Variants in ATP8B3 observed in about 807,000 individuals in gnomAD.
ATP8B3 encodes the protein ATPase phospholipid transporting 8B3, also known as phospholipid-transporting ATPase IK.
Under a neutral mutation model 140.9 loss-of-function variants are expected in ATP8B3, and 141 were observed. The observed-to-expected ratio is 1.00, with a 90% CI of 0.87 to 1.15. The LOEUF (loss-of-function observed/expected upper bound fraction) is 1.15, where lower values mean the gene tolerates loss of function less well. Among genes scored for constraint, ATP8B3 ranks in the 50% most tolerant of loss-of-function variants. The pLI, the probability that ATP8B3 is intolerant of heterozygous loss-of-function variation, is 0.00. For missense variants in ATP8B3, 1,874 were observed against 1,740.6 expected, an observed-to-expected ratio of 1.08 and a Z score of -1.36; for synonymous variants, 765 against 714.6, an observed-to-expected ratio of 1.07 and a Z score of -1.13.
chr19:1,805,059 C>T lies in ATP8B3; in HGVS notation c.904+315G>A. 1 of 398,664 alleles carries T rather than the reference C, an allele frequency of 2.5e-6. No individual in the cohort carries two copies. The highest frequency in any genetic ancestry group is 2.1e-5 in the South Asian group (1 of 47,620). The allele number at this position is 398,664 out of a possible 1,614,324, so 24.7% of individuals were successfully genotyped here. ...ATGTGATCACAGCTCACTGCAGCCT[C>T]AGCCTCCCTGAGCTCAAGCGAGCCT... On this transcript the variant is annotated intron_variant, in intron 10 of 28. Transcript: ENST00000310127. The surrounding 1 kb of genome is among the most constrained non-coding windows in gnomAD (Gnocchi z 5.2).
chr19:1,782,792 G>A lies in ATP8B3; in HGVS notation c.*236C>T, dbSNP rs1429836459. On this transcript the variant is annotated 3_prime_UTR_variant, in exon 29 of 29. Coordinates refer to ENST00000310127, the MANE Select transcript of ATP8B3 (RefSeq NM_138813.4). ...CTCAGGAGAAGGTGGCCTCTGCTTG[G>A]GTGACAATGACCTCTCCTGTGCCCT... 5.4e-6 allele frequency: 3 copies of A among 552,626 alleles called. No individual in the cohort carries two copies. The highest frequency in any genetic ancestry group is 9.6e-6 in the Non-Finnish European group (3 of 311,026). 34.2% of individuals were successfully genotyped at this position (552,626 alleles called of 1,614,324 possible).
chr19:1,785,791 T>A (rs922982420), intron 25 of ATP8B3, 83 bp from the exon 26 acceptor site: 1 of 1,403,176 alleles, frequency 7.1e-7, no homozygotes, highest in Non-Finnish European at 9.6e-7. Context: ...GGCAGGCCAG[T>A]AGGGTGGCCA....
At chr19:1,788,405 T>C (rs574574177) in intron 24 of ATP8B3, among the ~76,000 whole-genome samples, 1 of 152,220 alleles carries the variant, frequency 6.6e-6, no homozygotes, top group African/African-American at 2.4e-5. Context: ...ATCCCAGCAC[T>C]TTGGGAGGCC....
intron 10 of ATP8B3, 78 bp from the exon 11 acceptor site, chr19:1,802,723 G>C (rs889622704): frequency 2.0e-6 from 3 of 1,492,626 alleles, no homozygotes; most frequent in African/African-American, 2.8e-5. Context: ...GTGCAGGTGA[G>C]AACATTCCGG....
At position 1,782,977 on chromosome 19, in the gene ATP8B3, C is replaced by T; in HGVS notation, c.*51G>A. The T allele has an allele frequency of 6.4e-7, 1 of 1,558,686 alleles. No homozygotes were observed. The highest frequency in any genetic ancestry group is 1.2e-5 in the South Asian group (1 of 84,680). On this transcript the variant is annotated 3_prime_UTR_variant, in exon 29 of 29. Coordinates refer to ENST00000310127, the MANE Select transcript of ATP8B3 (RefSeq NM_138813.4). ...GCTGTACTTCCTGGGAGGACACCTG[C>T]CCCTGTGGCTGGTGCTTCTTCTTCC...
rs45574836 is a variant in ATP8B3, at chr19:1,806,668, C to T, written c.637G>A (p.Ala213Thr). The part of the protein sequence containing the change: ...DDMGRHKSDR[A>T]INNRPCQILM... Reference sequence around the variant, plus strand: ...ATCTGGCAGGGTCTGTTGTTGATGGCTCTGTCACTCTTGTGTCTCCCCTGG... The same window carrying T: ...ATCTGGCAGGGTCTGTTGTTGATGGTTCTGTCACTCTTGTGTCTCCCCTGG... Residue 213 changes from alanine (A) to threonine (T), a missense_variant, in exon 7 of 29, where the codon GCC (alanine) becomes ACC (threonine). Coordinates refer to ENST00000310127, the MANE Select transcript of ATP8B3 (RefSeq NM_138813.4). The surrounding 1 kb of genome is among the most constrained non-coding windows in gnomAD (Gnocchi z 5.6). 0.055 allele frequency: 86,099 copies of T among 1,564,610 alleles called. 2,949 individuals are homozygous for T. The highest frequency in any genetic ancestry group is 0.1 in the South Asian group (8,626 of 84,816).
chr19:1,787,868 C>G (rs1954476093), intron 24 of ATP8B3, among the ~76,000 whole-genome samples: 1 of 151,596 alleles, frequency 6.6e-6, no homozygotes, highest in South Asian at 2.1e-4. Flanking sequence ...ATGGCAAAAC[C>G]CTGTCTCTAC....
chr19:1,792,392 C>G (rs1369525531), intron 18 of ATP8B3, among the ~76,000 whole-genome samples: 1 of 151,172 alleles, frequency 6.6e-6, no homozygotes, highest in Non-Finnish European at 1.5e-5. Flanking sequence ...CCAGGTTGGC[C>G]AACATGGTGA....
intron 16 of ATP8B3, 58 bp from the exon 17 acceptor site, chr19:1,796,323 A>C: frequency 1.4e-6 from 2 of 1,439,150 alleles, no homozygotes; most frequent in Non-Finnish European, 1.9e-6. Context: ...CCATCTCCAC[A>C]GTGCAGGGAG....
chr19:1,787,306 TTGGGG>T, intron 24 of ATP8B3, 120 bp from the exon 25 acceptor site: 1 of 768,102 alleles, frequency 1.3e-6, no homozygotes, highest in South Asian at 1.6e-5. Flanking sequence ...ACACTCAAGG[TTGGGG>T]CTGGGACTGG....
Position 1,800,379 on chromosome 19 carries a change from T to C in ATP8B3, c.1223A>G (p.Lys408Arg), listed in dbSNP as rs2068808265. Residue 408 changes from lysine (K) to arginine (R), a missense_variant, in exon 13 of 29, where the codon AAA (lysine) becomes AGA (arginine). By Grantham distance (26) the Lys-to-Arg change is conservative (BLOSUM62 2). Coordinates refer to ENST00000310127, the MANE Select transcript of ATP8B3 (RefSeq NM_138813.4). This position sits in a 1 kb window ranked among gnomAD's most constrained non-coding sequence, Gnocchi z 4.4. The part of the protein sequence containing the change: ...FGFGFSVKEF[K>R]DHHYYLSGVH... ...CCCCGAGAGGTAGTAGTGGTGGTCTTTGAATTCTTTGACTGAGAAACCGAA... is the reference window on the plus strand; with the variant it reads ...CCCCGAGAGGTAGTAGTGGTGGTCTCTGAATTCTTTGACTGAGAAACCGAA... 1.2e-6 allele frequency: 2 copies of C among 1,612,110 alleles called. No homozygotes were observed. The highest frequency in any genetic ancestry group is 1.7e-6 in the Non-Finnish European group (2 of 1,179,734).
rs192807067 is a variant in ATP8B3 at position 1,806,495 on chromosome 19, C to T, written c.677+133G>A. On this transcript the variant is annotated intron_variant, in intron 7 of 28. Transcript: ENST00000310127. This position sits in a 1 kb window ranked among gnomAD's most constrained non-coding sequence, Gnocchi z 5.6. Reference sequence around the variant, plus strand: ...GCCAAACGCCTAATGAATGCAGGCCCGGTTCCTGTCGGACTCAACCAGCCG... The same window carrying T: ...GCCAAACGCCTAATGAATGCAGGCCTGGTTCCTGTCGGACTCAACCAGCCG... 2,330 of 1,490,324 alleles carry T rather than the reference C, an allele frequency of 1.6e-3. 7 individuals are homozygous for T. The highest frequency in any genetic ancestry group is 1.9e-3 in the Non-Finnish European group (2,147 of 1,123,190). 92.3% of individuals were successfully genotyped at this position (1,490,324 alleles called of 1,614,324 possible). A position where few individuals can be genotyped will look rare whatever the true frequency, so the allele number is the denominator to read the frequency against.
chr19:1,808,145 C>T, intron 5 of ATP8B3, 77 bp downstream of exon 5: 1 of 1,215,390 alleles, frequency 8.2e-7, no homozygotes, highest in Non-Finnish European at 1.2e-6. Flanking sequence ...GACGTGAACC[C>T]ACCCATCACA....
intron 10 of ATP8B3, among the ~76,000 whole-genome samples, chr19:1,804,847 T>C (rs1214521774): frequency 6.6e-6 from 1 of 152,112 alleles, no homozygotes; most frequent in Non-Finnish European, 1.5e-5. Flanking sequence ...GCATTGGAGG[T>C]GTCAGCACTC....
Position 1,806,645 on chromosome 19 carries a change from C to G in ATP8B3, c.660G>C (p.Gln220His). 6.4e-7 allele frequency: 1 copy of G among 1,561,912 alleles called. No individual in the cohort carries two copies. The highest frequency in any genetic ancestry group is 8.7e-7 in the Non-Finnish European group (1 of 1,153,264). ...AGCCTCACCTCTTCCCCATCAGAAT[C>G]TGGCAGGGTCTGTTGTTGATGGCTC... Reference protein sequence around the residue: ...SDRAINNRPCQILMGKSFKQK... With the variant: ...SDRAINNRPCHILMGKSFKQK... Residue 220 changes from glutamine (Q) to histidine (H), a missense_variant, in exon 7 of 29, where the codon CAG becomes CAC. By Grantham distance (24) the Gln-to-His change is conservative. This residue lies in a region of ATP8B3 where 1,032 missense variants were observed against 963.6 expected (regional missense o/e 1.07). Transcript: ENST00000310127. This position sits in a 1 kb window ranked among gnomAD's most constrained non-coding sequence, Gnocchi z 5.6.
In ATP8B3 at chr19:1,794,059, G is replaced by C. The variant is rs893431334; in HGVS notation, c.2055+1816C>G. Among the ~76,000 whole-genome samples, 1 of 146,838 alleles carries C rather than the reference G, an allele frequency of 6.8e-6. No individual in the cohort carries two copies. The highest frequency in any genetic ancestry group is 2.1e-4 in the East Asian group (1 of 4,836). ...CTGTTTATTAAGAGACAGGGGTCTC[G>C]CCCTGTCGCCCAGGCTGGAGTGCAG... On this transcript the variant is annotated intron_variant, in intron 18 of 28. Transcript: ENST00000310127. This position sits in a 1 kb window ranked among gnomAD's most constrained non-coding sequence, Gnocchi z 4.8.
rs759542176 is a variant in ATP8B3, at chr19:1,805,933, G to A, written c.776C>T (p.Thr259Met). The A allele has an allele frequency of 3.2e-5, 52 of 1,610,892 alleles. No individual in the cohort carries two copies. Among genetic ancestry groups the A allele is most frequent in the Admixed American group, 1.7e-4 (10 of 59,884 alleles). ...VPADMLLLAS[T>M]EPSSLCYVET... The stretch of plus-strand genomic sequence containing the variant: ...CACATAGCACAGGCTGCTGGGCTCC[G>A]TGCTGGCCAGCAAGAGCATGTCGGC... The change falls in exon 9 of 29, where the codon ACG becomes ATG. Residue 259 changes from threonine (T) to methionine (M), a missense_variant. By Grantham distance (81) the Thr-to-Met change is moderately conservative. Transcript: ENST00000310127. This position sits in a 1 kb window ranked among gnomAD's most constrained non-coding sequence, Gnocchi z 5.2.
Position 1,790,002 on chromosome 19 carries a change from G to A in ATP8B3, c.2379-13C>T. ...CTCCAGGATGCGGCTGCGGGGCGCA[G>A]GGGTCAGCGGGGCAGGGGAGGGGGC... is the stretch of plus-strand genomic sequence containing the variant. On this transcript the variant is annotated splice_polypyrimidine_tract_variant and intron_variant, in intron 21 of 28. Coordinates refer to ENST00000310127, the MANE Select transcript of ATP8B3 (RefSeq NM_138813.4). 3 of 1,594,378 alleles carry A rather than the reference G, an allele frequency of 1.9e-6. No homozygotes were observed. Among genetic ancestry groups the A allele is most frequent in the Non-Finnish European group, 2.6e-6 (3 of 1,164,732 alleles).
intron 28 of ATP8B3, 93 bp downstream of exon 28, chr19:1,784,726 C>T (rs548641020): frequency 3.3e-5 from 47 of 1,431,752 alleles, no homozygotes; most frequent in South Asian, 7.2e-5. Context: ...CGAGAGGGGC[C>T]GGGACACCTT....
Sources: gnomAD v4.1 joint callset for allele counts (sites outside exome capture counted in the v4.1 genomes callset) on GRCh38, gnomAD v4.1.1 for gene constraint, gnomAD v4.1.1 regional missense constraint, Gnocchi (gnomAD v3.1) non-coding constraint, MANE v1.5 for transcripts, NCBI Gene and HGNC (gene_info 2026-07-23, HGNC 2026-07-21) for gene names.